VEGFC: variants seen among roughly 807,000 people sequenced by gnomAD.
The protein encoded by VEGFC is FLT4 ligand DHM.
In VEGFC, 12 loss-of-function variants were observed where a neutral mutation model predicts 46.1. That is an observed-to-expected ratio of 0.26 (90% CI 0.17 to 0.42). The LOEUF (loss-of-function observed/expected upper bound fraction) is 0.42, where lower values mean the gene tolerates loss of function less well. VEGFC is among the 10% of genes least tolerant of loss of function. The pLI, the probability that VEGFC is intolerant of heterozygous loss-of-function variation, is 1.00. For synonymous variants in VEGFC, 232 were observed against 195.5 expected (o/e 1.19, Z -1.56); for missense variants, 488 against 529.4 (o/e 0.92, Z 0.77).
At chr4:176,788,017 T>C (rs888263154) in intron 1 of VEGFC, among the ~76,000 whole-genome samples, 8 of 152,158 alleles carry the variant, frequency 5.3e-5, no homozygotes, top group African/African-American at 1.9e-4. Context: ...TGGTGAAAGG[T>C]GAAACAATAT....
chr4:176,704,136 GTC>G (rs576301427), intron 4 of VEGFC, among the ~76,000 whole-genome samples: 79 of 152,058 alleles, frequency 5.2e-4, no homozygotes, highest in Non-Finnish European at 7.4e-4. Flanking sequence ...GGCTTTTGTG[GTC>G]TCTCTCTCTG....
chr4:176,750,130 T>C (rs1334561125), intron 1 of VEGFC, among the ~76,000 whole-genome samples: 1 of 151,734 alleles, frequency 6.6e-6, no homozygotes, highest in Non-Finnish European at 1.5e-5. Flanking sequence ...TTGAACATTT[T>C]TAAATTAATC....
intron 3 of VEGFC, among the ~76,000 whole-genome samples, chr4:176,712,012 A>T (rs1423457048): frequency 2.6e-5 from 4 of 152,134 alleles, no homozygotes; most frequent in African/African-American, 9.7e-5. Context: ...TATTCCAGGG[A>T]TTTAAAAAGT....
In VEGFC at chr4:176,792,022, G is replaced by A; in HGVS notation, c.147+143C>T. 8.8e-7 allele frequency: 1 copy of A among 1,139,684 alleles called. No individual in the cohort carries two copies. The highest frequency in any genetic ancestry group is 1.1e-6 in the Non-Finnish European group (1 of 886,134). The allele number at this position is 1,139,684 out of a possible 1,614,324, so 70.6% of individuals were successfully genotyped here. ...AAAAAGAAGAAGATTTTTCTCCAAA[G>A]CAGCGTGCACTGAGCTCAGTAACTT... is the stretch of plus-strand genomic sequence containing the variant. On this transcript the variant is annotated intron_variant, in intron 1 of 6. Transcript: ENST00000618562. The surrounding 1 kb of genome is among the most constrained non-coding windows in gnomAD (Gnocchi z 6.3).
chr4:176,708,125 GA>G lies in VEGFC; in HGVS notation c.704+3373del, dbSNP rs199650821. Among the ~76,000 whole-genome samples, 1,039 of 151,602 alleles carry G rather than the reference GA, an allele frequency of 6.9e-3. 10 individuals are homozygous for G. The highest frequency in any genetic ancestry group is 0.023 in the African/African-American group (947 of 41,458). Reference sequence around the variant, plus strand: ...GTTAAGCTCTCCAAATATTTTTAAAGAAGTTATTTTAAAAATTATTTTACTT... The same window carrying G: ...GTTAAGCTCTCCAAATATTTTTAAAGAGTTATTTTAAAAATTATTTTACTT... On this transcript the variant is annotated intron_variant, in intron 4 of 6. Transcript: ENST00000618562.
At position 176,727,876 on chromosome 4, in the gene VEGFC, AGAAGGT is replaced by A; in HGVS notation, c.448_453del (p.Thr150_Phe151del). ...TAGACGGACACACATGGAGGTTTAA[AGAAGGT>A]GTTTGTCGCGACTCCAAACTCCTTC... On this transcript the variant is annotated inframe_deletion, in exon 3 of 7. Coordinates refer to ENST00000618562, the MANE Select transcript of VEGFC (RefSeq NM_005429.5). 1 of 1,614,054 alleles carries A rather than the reference AGAAGGT, an allele frequency of 6.2e-7. No homozygotes were observed.
intron 1 of VEGFC, among the ~76,000 whole-genome samples, chr4:176,748,751 A>G (rs761703911): frequency 7.2e-5 from 11 of 151,950 alleles, no homozygotes; most frequent in Non-Finnish European, 1.2e-4. Flanking sequence ...CTCTTTACCA[A>G]AGTAAAGTGA....
At chr4:176,722,656 G>A (rs1398017767) in intron 3 of VEGFC, among the ~76,000 whole-genome samples, 1 of 151,906 alleles carries the variant, frequency 6.6e-6, no homozygotes, top group African/African-American at 2.4e-5. Context: ...ACAACACCAT[G>A]CCTGGCTAAT....
intron 1 of VEGFC, among the ~76,000 whole-genome samples, chr4:176,745,477 A>C (rs1735245388): frequency 6.6e-6 from 1 of 151,968 alleles, no homozygotes; most frequent in South Asian, 2.1e-4. Context: ...TGACTAGAGA[A>C]ATAGCCAGAT....
intron 1 of VEGFC, among the ~76,000 whole-genome samples, chr4:176,731,942 ACATAAG>A (rs1449299484): frequency 6.6e-5 from 10 of 152,002 alleles, no homozygotes; most frequent in South Asian, 2.1e-4. Flanking sequence ...CTGGAGAAAA[ACATAAG>A]CATAACATTC....
In VEGFC at chr4:176,741,724, G is replaced by T. The variant is rs144322882; in HGVS notation, c.148-11978C>A. Among the ~76,000 whole-genome samples the T allele has an allele frequency of 1.3e-3, 194 of 151,010 alleles. 3 individuals carry two copies. The highest frequency in any genetic ancestry group is 1.9e-3 in the Non-Finnish European group (130 of 67,588). Reference sequence around the variant, plus strand: ...CATTAGAAAAAAGAAAATCTGAATTGCAACCAAGATCTACATAAAGGAAAG... The same window carrying T: ...CATTAGAAAAAAGAAAATCTGAATTTCAACCAAGATCTACATAAAGGAAAG... On this transcript the variant is annotated intron_variant, in intron 1 of 6. Transcript: ENST00000618562.
intron 1 of VEGFC, among the ~76,000 whole-genome samples, chr4:176,743,579 G>A (rs641665): frequency 0.013 from 2,003 of 149,628 alleles, 34 homozygotes; most frequent in Middle Eastern, 0.093. Flanking sequence ...ATATTATACC[G>A]ATATATAAAT....
chr4:176,718,122 A>G (rs1186273373), intron 3 of VEGFC, among the ~76,000 whole-genome samples: 2 of 152,158 alleles, frequency 1.3e-5, no homozygotes, highest in Non-Finnish European at 1.5e-5. Flanking sequence ...TCACAGATGC[A>G]TTAATTATGT....
At chr4:176,725,055 T>C (rs1338634776) in intron 3 of VEGFC, among the ~76,000 whole-genome samples, 1 of 152,142 alleles carries the variant, frequency 6.6e-6, no homozygotes, top group South Asian at 2.1e-4. Flanking sequence ...TTTAAAAAGC[T>C]GCAAGAGAAG....
chr4:176,739,275 C>T (rs1249890307), intron 1 of VEGFC, among the ~76,000 whole-genome samples: 1 of 150,770 alleles, frequency 6.6e-6, no homozygotes, highest in Non-Finnish European at 1.5e-5. Context: ...GGCAGAAATA[C>T]CACTTGACCC....
chr4:176,785,791 A>G (rs1432574638), intron 1 of VEGFC, among the ~76,000 whole-genome samples: 5 of 152,228 alleles, frequency 3.3e-5, no homozygotes, highest in Non-Finnish European at 7.3e-5. Context: ...CACACTTGGC[A>G]GTCTGAAGAA....
chr4:176,728,011 C>A, intron 2 of VEGFC, 43 bp from the exon 3 acceptor site: 2 of 1,496,444 alleles, frequency 1.3e-6, no homozygotes, highest in South Asian at 1.4e-5. Flanking sequence ...CGGAAACCAC[C>A]AAGATAAAAA....
chr4:176,783,910 TCA>T (rs1182330050), intron 1 of VEGFC, among the ~76,000 whole-genome samples: 1 of 152,198 alleles, frequency 6.6e-6, no homozygotes, highest in African/African-American at 2.4e-5. Context: ...TGCTGAAGAA[TCA>T]CAGTTATGTC....
intron 3 of VEGFC, among the ~76,000 whole-genome samples, chr4:176,726,949 A>G (rs1734881972): frequency 6.6e-6 from 1 of 152,236 alleles, no homozygotes. Context: ...AAAGGTCATT[A>G]GGACAACCAC....
Sources: gnomAD v4.1 joint callset for allele counts (sites outside exome capture counted in the v4.1 genomes callset) on GRCh38, gnomAD v4.1.1 for gene constraint, Gnocchi (gnomAD v3.1) non-coding constraint, MANE v1.5 for transcripts, NCBI Gene and HGNC (gene_info 2026-07-23, HGNC 2026-07-21) for gene names.